Variants in FRMD4A observed in about 807,000 individuals in gnomAD.
The protein encoded by FRMD4A is FERM domain-containing protein 4A.
A neutral mutation model predicts 129.1 loss-of-function variants in FRMD4A; 29 were observed. The observed-to-expected ratio is 0.22, with a 90% CI of 0.17 to 0.31. FRMD4A has a LOEUF of 0.31. FRMD4A is among the 10% of genes least tolerant of loss of function. The pLI is 1.00. For missense variants in FRMD4A, 1,272 were observed against 1,375.8 expected (o/e 0.92, Z 1.19); for synonymous variants, 634 against 571.6 (o/e 1.11, Z -1.56).
rs879302144 is a variant in FRMD4A at position 13,778,240 on chromosome 10, A to ATTTT, written c.384+4681_384+4682insAAAA. ...CAAAGCGCTTTCACATTTATTTAAA[A>ATTTT]AAAAAACCTGATACTCTTACAATCT... On this transcript the variant is annotated intron_variant, in intron 6 of 24. Transcript: ENST00000357447. Among the ~76,000 whole-genome samples, 505 of 150,844 alleles carry ATTTT rather than the reference A, an allele frequency of 3.3e-3. 3 individuals are homozygous for ATTTT. Among genetic ancestry groups the ATTTT allele is most frequent in the African/African-American group, 9.8e-3 (405 of 41,460 alleles).
At chr10:13,783,916 T>G (rs1269669496) in intron 5 of FRMD4A, among the ~76,000 whole-genome samples, 1 of 152,218 alleles carries the variant, frequency 6.6e-6, no homozygotes, top group Non-Finnish European at 1.5e-5. Context: ...AATGTGCCTT[T>G]ATAATATTGA....
At chr10:13,874,534 G>A (rs2094470820) in intron 2 of FRMD4A, among the ~76,000 whole-genome samples, 1 of 151,974 alleles carries the variant, frequency 6.6e-6, no homozygotes, top group African/African-American at 2.4e-5. Flanking sequence ...GGCCCCATAA[G>A]CAAAAGTAAA....
rs567767173 is a variant in FRMD4A, at chr10:13,935,771, A to C, written c.46-76859T>G. 4.6e-5 allele frequency among the ~76,000 whole-genome samples: 7 copies of C among 152,144 alleles called. No individual in the cohort carries two copies. The South Asian group carries it at 1.5e-3, about 32-fold the overall frequency. ...TCCTATCAGCCCTGGCAGCTTAGAT[A>C]CTCCTATCCTCCTTCCTACTAAAAA... On this transcript the variant is annotated intron_variant, in intron 2 of 24. Coordinates refer to ENST00000357447, the MANE Select transcript of FRMD4A (RefSeq NM_018027.5).
chr10:13,824,696 C>T (rs2093676073), intron 3 of FRMD4A, among the ~76,000 whole-genome samples: 1 of 151,736 alleles, frequency 6.6e-6, no homozygotes. Flanking sequence ...AATTTGAGAC[C>T]AGCCTGACCA....
chr10:13,740,425 T>G, intron 10 of FRMD4A, 87 bp downstream of exon 10: 1 of 928,848 alleles, frequency 1.1e-6, no homozygotes, highest in African/African-American at 1.7e-5. Flanking sequence ...CAGATATGTC[T>G]TTGGAGAGGA....
intron 6 of FRMD4A, among the ~76,000 whole-genome samples, chr10:13,776,929 T>C (rs537668115): frequency 6.6e-6 from 1 of 152,318 alleles, no homozygotes; most frequent in African/African-American, 2.4e-5. Flanking sequence ...CGGGTCTAAA[T>C]CCAACGAGCT....
intron 5 of FRMD4A, among the ~76,000 whole-genome samples, chr10:13,789,804 T>TGTGTGTGTGTGTGTGTGTG (rs1554898662): frequency 9.6e-6 from 1 of 104,106 alleles, no homozygotes; most frequent in African/African-American, 3.5e-5. Context: ...TGTGTGTGTG[T>TGTGTGTGTGTGTGTGTGTG]TGTGTGGTGA....
intron 2 of FRMD4A, among the ~76,000 whole-genome samples, chr10:14,159,283 T>A (rs76031585): frequency 8.9e-4 from 136 of 152,316 alleles, no homozygotes; most frequent in African/African-American, 2.9e-3. Flanking sequence ...AATTTTAGAT[T>A]TTCTAATAGC....
intron 24 of FRMD4A, chr10:13,650,933 TG>T: frequency 7.2e-6 from 1 of 138,636 alleles, no homozygotes; most frequent in East Asian, 2.2e-4. Context: ...CTCTCAGCAT[TG>T]CATTTTGTTT....
intron 2 of FRMD4A, among the ~76,000 whole-genome samples, chr10:14,273,126 G>A (rs560849087): frequency 6.6e-6 from 1 of 151,910 alleles, no homozygotes; most frequent in South Asian, 2.1e-4. Context: ...GCATGGTGGT[G>A]CATACCTGTG....
chr10:14,051,167 C>G lies in FRMD4A; in HGVS notation c.46-192255G>C, dbSNP rs74748534. 7.7e-3 allele frequency among the ~76,000 whole-genome samples: 1,179 copies of G among 152,320 alleles called. 60 individuals are homozygous for G. In the East Asian group the frequency reaches 0.13, roughly 16 times the overall value. Reference sequence around the variant, plus strand: ...TAATAGCCTAACCAAAATGCAGTATCTAGCCTTTCGATGCTCTCTTTCTCT... The same window carrying G: ...TAATAGCCTAACCAAAATGCAGTATGTAGCCTTTCGATGCTCTCTTTCTCT... On this transcript the variant is annotated intron_variant, in intron 2 of 24. Transcript: ENST00000357447.
intron 2 of FRMD4A, among the ~76,000 whole-genome samples, chr10:14,063,209 G>C (rs887198829): frequency 6.6e-6 from 1 of 150,962 alleles, no homozygotes; most frequent in South Asian, 2.1e-4. Flanking sequence ...TTAACAGTAT[G>C]TTGGTGCCCA....
chr10:13,939,297 T>A (rs1199727194), intron 2 of FRMD4A, among the ~76,000 whole-genome samples: 2 of 152,212 alleles, frequency 1.3e-5, no homozygotes, highest in Non-Finnish European at 2.9e-5. Context: ...ATATTTTGGA[T>A]CTACTTTTTA....
chr10:14,112,397 C>T (rs949712436), intron 2 of FRMD4A, among the ~76,000 whole-genome samples: 3 of 151,996 alleles, frequency 2.0e-5, no homozygotes, highest in Admixed American at 6.6e-5. Context: ...GCGGCGGTCT[C>T]GATGTGGTTG....
chr10:13,848,837 G>T (rs1282078000), intron 3 of FRMD4A, among the ~76,000 whole-genome samples: 4 of 152,178 alleles, frequency 2.6e-5, no homozygotes, highest in Admixed American at 2.6e-4. Context: ...TACCAAGGGG[G>T]AAACGACTTA....
Position 14,275,557 on chromosome 10 carries a change from A to AT in FRMD4A, c.45+54500dup, listed in dbSNP as rs1298671413. Among the ~76,000 whole-genome samples, 3 of 152,236 alleles carry AT rather than the reference A, an allele frequency of 2.0e-5. No individual in the cohort carries two copies. The East Asian group carries it at 5.8e-4, about 29-fold the overall frequency. ...GATGAAGAAAAACATCCAAGGGCAG[A>AT]TAATAAAGCCAGTTTACACTTTCAG... On this transcript the variant is annotated intron_variant, in intron 2 of 24. Transcript: ENST00000357447.
chr10:14,011,388 G>A (rs550340863), intron 2 of FRMD4A, among the ~76,000 whole-genome samples: 2 of 152,150 alleles, frequency 1.3e-5, no homozygotes, highest in South Asian at 2.1e-4. Flanking sequence ...GGGAGGAGCC[G>A]AGTTATTAGA....
intron 2 of FRMD4A, among the ~76,000 whole-genome samples, chr10:14,271,360 G>A (rs1845157198): frequency 6.6e-6 from 1 of 152,240 alleles, no homozygotes; most frequent in Admixed American, 6.5e-5. Flanking sequence ...CAGCAGCTCA[G>A]GGTGCAAGGC....
intron 2 of FRMD4A, among the ~76,000 whole-genome samples, chr10:14,194,481 G>A (rs1309017511): frequency 3.3e-5 from 5 of 152,188 alleles, no homozygotes; most frequent in Admixed American, 6.5e-5. Context: ...CGTGGTGGCA[G>A]GCACCTATAG....
Sources: allele counts gnomAD v4.1 joint callset (sites outside exome capture counted in the v4.1 genomes callset), GRCh38; gene constraint gnomAD v4.1.1; transcripts MANE v1.5; gene names NCBI Gene and HGNC (gene_info 2026-07-23, HGNC 2026-07-21).